The following NCAM2 variants were observed in gnomAD, a reference collection of about 807,000 sequenced individuals.
NCAM2 encodes the protein neural cell adhesion molecule 2.
Under a neutral mutation model 98.1 loss-of-function variants are expected in NCAM2, and 30 were observed. That is an observed-to-expected ratio of 0.31 (90% CI 0.23 to 0.41). NCAM2 has a LOEUF of 0.41. Ranked by LOEUF, NCAM2 falls within the 10% of genes least tolerant of loss-of-function variation. NCAM2 has a pLI of 1.00. For missense variants in NCAM2, 867 were observed against 1,005.8 expected, an observed-to-expected ratio of 0.86 and a Z score of 1.87; for synonymous variants, 368 against 342.4, an observed-to-expected ratio of 1.07 and a Z score of -0.83.
chr21:21,495,897 T>G (rs1987194509), intron 15 of NCAM2, among the ~76,000 whole-genome samples: 1 of 151,646 alleles, frequency 6.6e-6, no homozygotes, highest in South Asian at 2.1e-4. Flanking sequence ...ACATTATTTT[T>G]TTTGCCAAGA....
intron 1 of NCAM2, among the ~76,000 whole-genome samples, chr21:21,086,608 G>A (rs1006282070): frequency 1.3e-5 from 2 of 152,090 alleles, no homozygotes; most frequent in Non-Finnish European, 2.9e-5. Flanking sequence ...GAACCATCAA[G>A]AGAAATGAAA....
intron 1 of NCAM2, chr21:21,147,178 C>T (rs960544238): frequency 4.1e-6 from 4 of 985,118 alleles, no homozygotes; most frequent in South Asian, 4.7e-5. Flanking sequence ...GAGCTGGTAC[C>T]GCTGCCTTCT....
chr21:21,388,354 A>G (rs1260356657), intron 9 of NCAM2, among the ~76,000 whole-genome samples: 1 of 152,186 alleles, frequency 6.6e-6, no homozygotes, highest in African/African-American at 2.4e-5. Flanking sequence ...TAAAGAAAAT[A>G]TGGTAAGAGA....
chr21:21,396,687 C>T (rs1032652700), intron 9 of NCAM2, among the ~76,000 whole-genome samples: 7 of 152,168 alleles, frequency 4.6e-5, no homozygotes, highest in Non-Finnish European at 7.3e-5. Flanking sequence ...AGGTGCCACT[C>T]CATGCAAGGC....
chr21:21,100,323 A>C (rs2066214010), intron 1 of NCAM2, among the ~76,000 whole-genome samples: 1 of 152,066 alleles, frequency 6.6e-6, no homozygotes, highest in Middle Eastern at 3.4e-3. Flanking sequence ...TGAAGACGAG[A>C]GCCTGTAAAG....
intron 8 of NCAM2, among the ~76,000 whole-genome samples, chr21:21,356,396 G>T (rs1045254409): frequency 6.6e-5 from 10 of 151,928 alleles, no homozygotes; most frequent in African/African-American, 2.4e-4. Flanking sequence ...TTTAAGCCAG[G>T]TTTATTGGAA....
rs563004717 is a variant in NCAM2, at chr21:21,237,533, C to T, written c.56-43045C>T. ...TTTCTTTAAATGATCTTTTAGCTTA[C>T]CTTTCAGCCTCAAGATTATGTTTAA... On this transcript the variant is annotated intron_variant, in intron 1 of 17. Coordinates refer to ENST00000400546, the MANE Select transcript of NCAM2 (RefSeq NM_004540.5). Among the ~76,000 whole-genome samples, 7 of 152,072 alleles carry T rather than the reference C, an allele frequency of 4.6e-5. No homozygotes were observed. In the South Asian group the frequency reaches 1.5e-3, roughly 32 times the overall value.
chr21:21,236,780 G>GCACA (rs1164258305), intron 1 of NCAM2, among the ~76,000 whole-genome samples: 14 of 128,490 alleles, frequency 1.1e-4, no homozygotes, highest in African/African-American at 3.6e-4. Context: ...GTGTGTGTGT[G>GCACA]TGTGTGCATG....
chr21:21,406,759 G>C (rs2076746086), intron 9 of NCAM2, among the ~76,000 whole-genome samples: 1 of 152,024 alleles, frequency 6.6e-6, no homozygotes. Flanking sequence ...TTTGGACTTT[G>C]ATAAGATTGA....
chr21:21,016,002 C>T (rs2064301310), intron 1 of NCAM2, among the ~76,000 whole-genome samples: 2 of 152,096 alleles, frequency 1.3e-5, no homozygotes, highest in South Asian at 4.1e-4. Context: ...GCCACAATGC[C>T]CAGTCGCCTG....
intron 1 of NCAM2, among the ~76,000 whole-genome samples, chr21:21,241,560 C>T (rs1347160994): frequency 2.6e-5 from 4 of 152,108 alleles, no homozygotes; most frequent in Non-Finnish European, 4.4e-5. Flanking sequence ...ATCACATGTG[C>T]TTTACCCCAC....
intron 1 of NCAM2, among the ~76,000 whole-genome samples, chr21:21,061,875 A>G (rs2065330548): frequency 6.6e-6 from 1 of 152,128 alleles, no homozygotes. Context: ...AATCACCATA[A>G]CATCACAGGA....
intron 1 of NCAM2, among the ~76,000 whole-genome samples, chr21:21,192,255 A>G (rs149150479): frequency 0.011 from 1,638 of 152,052 alleles, 14 homozygotes; most frequent in Non-Finnish European, 0.015. Context: ...AAAAACTAAA[A>G]AAAAACCCGA....
chr21:21,021,910 A>G (rs911236560), intron 1 of NCAM2, among the ~76,000 whole-genome samples: 1 of 152,238 alleles, frequency 6.6e-6, no homozygotes, highest in South Asian at 2.1e-4. Flanking sequence ...CAGAAGTTTT[A>G]TGTCATGCAC....
At chr21:21,123,893 C>CTACA (rs2066731348) in intron 1 of NCAM2, among the ~76,000 whole-genome samples, 1 of 128,248 alleles carries the variant, frequency 7.8e-6, no homozygotes, top group Non-Finnish European at 1.6e-5. Flanking sequence ...TGTCGCCAGG[C>CTACA]TACAGTGCAG....
At chr21:21,303,879 T>C (rs2073802549) in intron 5 of NCAM2, among the ~76,000 whole-genome samples, 1 of 152,160 alleles carries the variant, frequency 6.6e-6, no homozygotes. Flanking sequence ...CTCAGGATGT[T>C]AAACATCTTC....
chr21:21,238,491 T>TATGTAA (rs2070933791), intron 1 of NCAM2, among the ~76,000 whole-genome samples: 1 of 152,050 alleles, frequency 6.6e-6, no homozygotes, highest in African/African-American at 2.4e-5. Context: ...AAATATATTA[T>TATGTAA]TACATATACA....
chr21:21,040,517 A>G (rs570777464), intron 1 of NCAM2, among the ~76,000 whole-genome samples: 177 of 152,152 alleles, frequency 1.2e-3, no homozygotes, highest in Non-Finnish European at 2.2e-3. Flanking sequence ...GTAAGTGCTC[A>G]CAAGGATATA....
chr21:21,078,402 C>T (rs1054012026), intron 1 of NCAM2, among the ~76,000 whole-genome samples: 12 of 152,146 alleles, frequency 7.9e-5, no homozygotes, highest in African/African-American at 2.9e-4. Flanking sequence ...TGGTGATGTT[C>T]CTTTGGCTGT....
Sources: allele counts gnomAD v4.1 joint callset (sites outside exome capture counted in the v4.1 genomes callset), GRCh38; gene constraint gnomAD v4.1.1; transcripts MANE v1.5; gene names NCBI Gene and HGNC (gene_info 2026-07-23, HGNC 2026-07-21).